PRKG1: variants seen among roughly 807,000 people sequenced by gnomAD.
The protein encoded by PRKG1 is protein kinase cGMP-dependent 1, also known as cGMP-dependent protein kinase 1.
In PRKG1, 35 loss-of-function variants were observed where a neutral mutation model predicts 88.1. That is an observed-to-expected ratio of 0.40 (90% CI 0.30 to 0.53). The LOEUF is 0.53. Ranked by LOEUF, PRKG1 falls within the 20% of genes least tolerant of loss-of-function variation. PRKG1 has a pLI of 0.59. For missense variants in PRKG1, 540 were observed against 839.8 expected (o/e 0.64, Z 4.41); for synonymous variants, 303 against 292.5 (o/e 1.04, Z -0.37).
chr10:52,018,036 C>T lies in PRKG1; in HGVS notation c.763-36448C>T, dbSNP rs531641803. 9.9e-3 allele frequency among the ~76,000 whole-genome samples: 1,501 copies of T among 152,184 alleles called. 25 individuals carry two copies. The highest frequency in any genetic ancestry group is 0.034 in the African/African-American group (1,426 of 41,522). ...GTGTAAGCATCGATTTGCCTAATTA[C>T]GCAGTATTTTTTGGCCATCCACAGT... is the stretch of plus-strand genomic sequence containing the variant. On this transcript the variant is annotated intron_variant, in intron 5 of 17. Transcript: ENST00000373980.
intron 9 of PRKG1, among the ~76,000 whole-genome samples, chr10:52,233,452 T>G (rs1278514119): frequency 9.5e-5 from 14 of 147,188 alleles, no homozygotes; most frequent in African/African-American, 3.5e-4. Context: ...GGCCAGTGGG[T>G]GCGTGCACCG....
rs572054553 is a variant in PRKG1, at chr10:51,335,600, C to T, written c.479-132123C>T. 1.6e-4 allele frequency among the ~76,000 whole-genome samples: 24 copies of T among 152,074 alleles called. 1 individual carries two copies. In the East Asian group the frequency reaches 3.7e-3, roughly 23 times the overall value. On this transcript the variant is annotated intron_variant, in intron 2 of 17. Transcript: ENST00000373980. ...AGGCTGGAGTGCAGTGGCACGATGTCGGCTTACTGCAAACTCGGCCTCCAA... is the reference window on the plus strand; with the variant it reads ...AGGCTGGAGTGCAGTGGCACGATGTTGGCTTACTGCAAACTCGGCCTCCAA...
Position 51,933,425 on chromosome 10 carries a change from A to C in PRKG1, c.762+25855A>C, listed in dbSNP as rs866982544. ...AATATATTGCATAGGATGCGCCAAC[A>C]ATCATTTTTATAACCGATAATTTCA... On this transcript the variant is annotated intron_variant, in intron 5 of 17. Transcript: ENST00000373980. 3.3e-5 allele frequency among the ~76,000 whole-genome samples: 5 copies of C among 152,080 alleles called. 1 individual carries two copies. The highest frequency in any genetic ancestry group is 4.1e-4 in the South Asian group (2 of 4,830).
At chr10:51,999,397 C>T (rs1004613922) in intron 5 of PRKG1, among the ~76,000 whole-genome samples, 1 of 152,154 alleles carries the variant, frequency 6.6e-6, no homozygotes, top group Non-Finnish European at 1.5e-5. Flanking sequence ...TAAAACTGAG[C>T]ACTAGTAAAA....
At chr10:51,753,456 G>A (rs1256095370) in intron 3 of PRKG1, among the ~76,000 whole-genome samples, 1 of 152,074 alleles carries the variant, frequency 6.6e-6, no homozygotes, top group East Asian at 1.9e-4. Context: ...TAAAAATGAA[G>A]ACACTCGGTC....
intron 1 of PRKG1, among the ~76,000 whole-genome samples, chr10:51,065,486 T>C (rs529689028): frequency 5.3e-5 from 8 of 152,240 alleles, no homozygotes; most frequent in African/African-American, 1.4e-4. Context: ...AATAGGGATG[T>C]ATTTTTTTTC....
intron 5 of PRKG1, among the ~76,000 whole-genome samples, chr10:51,957,056 C>T (rs890736123): frequency 6.8e-5 from 10 of 147,650 alleles, no homozygotes; most frequent in African/African-American, 2.2e-4. Flanking sequence ...TTCTTCCCTC[C>T]CTCCCCATCT....
intron 3 of PRKG1, among the ~76,000 whole-genome samples, chr10:51,594,659 G>T (rs1838397318): frequency 6.6e-6 from 1 of 152,176 alleles, no homozygotes; most frequent in Non-Finnish European, 1.5e-5. Context: ...TTTTCCTTTA[G>T]CCTAACACAA....
At chr10:51,438,508 G>T (rs187778164) in intron 2 of PRKG1, among the ~76,000 whole-genome samples, 2 of 151,826 alleles carry the variant, frequency 1.3e-5, no homozygotes, top group East Asian at 1.9e-4. Context: ...GTACTGGTTA[G>T]ATATTTTACA....
chr10:51,561,396 G>GA (rs1449328600), intron 3 of PRKG1, among the ~76,000 whole-genome samples: 2 of 151,968 alleles, frequency 1.3e-5, no homozygotes, highest in Admixed American at 6.6e-5. Context: ...CATTTAACTT[G>GA]AAAAAATTAA....
intron 3 of PRKG1, among the ~76,000 whole-genome samples, chr10:51,519,875 C>A (rs958208079): frequency 6.6e-6 from 1 of 152,298 alleles, no homozygotes; most frequent in Non-Finnish European, 1.5e-5. Flanking sequence ...GATGAGTTCA[C>A]AGCTGGCTGT....
At chr10:51,550,495 A>T (rs1357210158) in intron 3 of PRKG1, among the ~76,000 whole-genome samples, 1 of 152,012 alleles carries the variant, frequency 6.6e-6, no homozygotes, top group Non-Finnish European at 1.5e-5. Context: ...GTCATTATTT[A>T]TCTTCCTTAT....
At chr10:52,127,815 A>G (rs1347786274) in intron 7 of PRKG1, among the ~76,000 whole-genome samples, 1 of 152,134 alleles carries the variant, frequency 6.6e-6, no homozygotes, top group Non-Finnish European at 1.5e-5. Flanking sequence ...GGGTTTTATT[A>G]CAGTGTTGGA....
intron 7 of PRKG1, among the ~76,000 whole-genome samples, chr10:52,068,760 A>G (rs1175033539): frequency 2.6e-5 from 4 of 152,340 alleles, no homozygotes; most frequent in East Asian, 1.9e-4. Context: ...CAAAATTGAC[A>G]TAGCATTAGA....
chr10:52,229,243 G>C (rs1840467944), intron 9 of PRKG1, among the ~76,000 whole-genome samples: 1 of 152,194 alleles, frequency 6.6e-6, no homozygotes, highest in Non-Finnish European at 1.5e-5. Context: ...TATCAAAAGA[G>C]TATTCAAAAT....
At chr10:51,259,684 C>T (rs1322349698) in intron 2 of PRKG1, among the ~76,000 whole-genome samples, 1 of 152,150 alleles carries the variant, frequency 6.6e-6, no homozygotes, top group East Asian at 1.9e-4. Context: ...CCATGTTGGC[C>T]AGGCTGGTCT....
chr10:51,996,050 C>T (rs149371100), intron 5 of PRKG1, among the ~76,000 whole-genome samples: 30 of 152,174 alleles, frequency 2.0e-4, no homozygotes, highest in East Asian at 1.4e-3. Context: ...CGGTGGCTTA[C>T]GCCTGTAATC....
At chr10:51,728,142 G>A (rs986636984) in intron 3 of PRKG1, among the ~76,000 whole-genome samples, 2 of 152,070 alleles carry the variant, frequency 1.3e-5, no homozygotes, top group African/African-American at 4.8e-5. Context: ...GAAACTTGAT[G>A]TATAAGCTAT....
intron 2 of PRKG1, among the ~76,000 whole-genome samples, chr10:51,224,072 T>A (rs187608098): frequency 6.7e-4 from 101 of 151,578 alleles, no homozygotes; most frequent in East Asian, 1.2e-3. Flanking sequence ...AACCATGGAG[T>A]GGGAAAATAG....
Sources: gnomAD v4.1 joint callset for allele counts (sites outside exome capture counted in the v4.1 genomes callset) on GRCh38, gnomAD v4.1.1 for gene constraint, MANE v1.5 for transcripts, NCBI Gene and HGNC (gene_info 2026-07-23, HGNC 2026-07-21) for gene names.